BCAS3: variants seen among roughly 807,000 people sequenced by gnomAD.
BCAS3 encodes BCAS3 microtubule associated cell migration factor.
In BCAS3, 53 loss-of-function variants were observed where a neutral mutation model predicts 116.1. The ratio of observed to expected loss-of-function variants is 0.46; its 90% CI spans 0.37 to 0.57. The LOEUF is 0.57. BCAS3 is among the 20% of genes least tolerant of loss of function. The pLI, the probability that BCAS3 is intolerant of heterozygous loss-of-function variation, is 0.00. For missense variants in BCAS3, 917 were observed against 1,165.4 expected (o/e 0.79, Z 3.10); for synonymous variants, 391 against 408.2 (o/e 0.96, Z 0.51).
At chr17:60,690,328 G>A (rs889557618) in intron 4 of BCAS3, among the ~76,000 whole-genome samples, 3 of 152,160 alleles carry the variant, frequency 2.0e-5, no homozygotes, top group Admixed American at 2.0e-4. Flanking sequence ...CCAGCACTTT[G>A]GGAGGTTGAG....
In BCAS3 at chr17:61,333,381, G is replaced by T. The variant is rs2056445946; in HGVS notation, c.2426-34946G>T. The stretch of plus-strand genomic sequence containing the variant: ...TTCTTACCAGACAATAGCTGTCTAT[G>T]ACCTCAAGCCAGGCCTAGGACAAAG... On this transcript the variant is annotated intron_variant, in intron 22 of 23. Coordinates refer to ENST00000407086, the MANE Select transcript of BCAS3 (RefSeq NM_017679.5). The surrounding 1 kb of genome is among the most constrained non-coding windows in gnomAD (Gnocchi z 4.8). Among the ~76,000 whole-genome samples the T allele has an allele frequency of 6.6e-6, 1 of 152,184 alleles. No homozygotes were observed. The highest frequency in any genetic ancestry group is 2.4e-5 in the African/African-American group (1 of 41,442).
At position 61,034,612 on chromosome 17, in the gene BCAS3, A is replaced by G. The variant is rs546114457; in HGVS notation, c.1638-54A>G. ...TAAAGGAAAAACTGTCATTACCTAA[A>G]GGAGTATCATTTCATCATGATAATT... On this transcript the variant is annotated intron_variant, in intron 16 of 23. Transcript: ENST00000407086. The surrounding 1 kb of genome is among the most constrained non-coding windows in gnomAD (Gnocchi z 5.0). 1 of 1,499,314 alleles carries G rather than the reference A, an allele frequency of 6.7e-7. No individual in the cohort carries two copies. The highest frequency in any genetic ancestry group is 1.2e-5 in the South Asian group (1 of 82,818). 92.9% of individuals were successfully genotyped at this position (1,499,314 alleles called of 1,614,324 possible). A position where few individuals can be genotyped will look rare whatever the true frequency, so the allele number is the denominator to read the frequency against.
rs1402497895 is a variant in BCAS3, at chr17:61,256,216, A to T, written c.2426-112111A>T. Among the ~76,000 whole-genome samples the T allele has an allele frequency of 2.0e-5, 3 of 152,204 alleles. No homozygotes were observed. Among genetic ancestry groups the T allele is most frequent in the Non-Finnish European group, 2.9e-5 (2 of 68,038 alleles). On this transcript the variant is annotated intron_variant, in intron 22 of 23. Transcript: ENST00000407086. This position sits in a 1 kb window ranked among gnomAD's most constrained non-coding sequence, Gnocchi z 5.6. ...TAGATCAGACTACCTGGGGTTGTCAAGCCTTCCATCTTCAAGCCAAGAGGT... is the reference window on the plus strand; with the variant it reads ...TAGATCAGACTACCTGGGGTTGTCATGCCTTCCATCTTCAAGCCAAGAGGT...
chr17:60,965,990 T>C (rs2061641297), intron 14 of BCAS3, among the ~76,000 whole-genome samples: 1 of 152,222 alleles, frequency 6.6e-6, no homozygotes, highest in Non-Finnish European at 1.5e-5. Flanking sequence ...TATTAATATT[T>C]TCTTTATAGA....
rs558098781 is a variant in BCAS3 at position 61,161,107 on chromosome 17, A to G, written c.2425+76543A>G. On this transcript the variant is annotated intron_variant, in intron 22 of 23. Coordinates refer to ENST00000407086, the MANE Select transcript of BCAS3 (RefSeq NM_017679.5). This position sits in a 1 kb window ranked among gnomAD's most constrained non-coding sequence, Gnocchi z 4.8. ...GATAGCATGTCTGAAAAAAGCTAAC[A>G]TAAAAGTCTCAATTAGGTTGCTGCC... is the stretch of plus-strand genomic sequence containing the variant. 6.6e-5 allele frequency among the ~76,000 whole-genome samples: 10 copies of G among 152,332 alleles called. No individual in the cohort carries two copies. The highest frequency in any genetic ancestry group is 5.2e-4 in the Admixed American group (8 of 15,310).
At chr17:60,858,956 A>G (rs1353613758) in intron 7 of BCAS3, among the ~76,000 whole-genome samples, 1 of 152,164 alleles carries the variant, frequency 6.6e-6, no homozygotes, top group Non-Finnish European at 1.5e-5. Flanking sequence ...CTTCTACAAC[A>G]GTTATCATAG....
intron 19 of BCAS3, among the ~76,000 whole-genome samples, chr17:61,072,156 T>C (rs968883732): frequency 2.6e-5 from 4 of 152,164 alleles, no homozygotes; most frequent in African/African-American, 9.7e-5. Flanking sequence ...TAGATGTATA[T>C]TTGGAATCTT....
intron 6 of BCAS3, among the ~76,000 whole-genome samples, chr17:60,792,007 C>T (rs2144543955): frequency 6.6e-6 from 1 of 152,252 alleles, no homozygotes; most frequent in Non-Finnish European, 1.5e-5. Context: ...CCTGTTATCC[C>T]AGCTACTCAG....
intron 7 of BCAS3, among the ~76,000 whole-genome samples, chr17:60,809,848 T>C (rs1391004951): frequency 6.6e-6 from 1 of 152,180 alleles, no homozygotes; most frequent in Non-Finnish European, 1.5e-5. Context: ...TGTTGAGTAG[T>C]TGGCTGCCCA....
chr17:61,168,560 G>A (rs721968), intron 22 of BCAS3, among the ~76,000 whole-genome samples: 1 of 152,058 alleles, frequency 6.6e-6, no homozygotes. Context: ...TTTTTCCCTA[G>A]TAATTTAATT....
At chr17:61,272,142 G>A (rs1427858423) in intron 22 of BCAS3, among the ~76,000 whole-genome samples, 1 of 152,152 alleles carries the variant, frequency 6.6e-6, no homozygotes, top group Non-Finnish European at 1.5e-5. Context: ...ATCAAATTAC[G>A]TTTTAAAGAA....
At chr17:60,894,389 A>G (rs1167396605) in intron 10 of BCAS3, among the ~76,000 whole-genome samples, 3 of 152,120 alleles carry the variant, frequency 2.0e-5, no homozygotes, top group African/African-American at 7.2e-5. Flanking sequence ...TAGAAATGCT[A>G]TTGAATTTTG....
At chr17:60,937,201 A>T (rs1211954195) in intron 13 of BCAS3, among the ~76,000 whole-genome samples, 3 of 146,594 alleles carry the variant, frequency 2.0e-5, no homozygotes, top group South Asian at 2.2e-4. Flanking sequence ...AGGGTCACTG[A>T]CCTCTTTTTT....
At chr17:60,742,426 C>CTTTTTTTTTTTTTTTTTTT (rs1173664552) in intron 5 of BCAS3, among the ~76,000 whole-genome samples, 1 of 103,450 alleles carries the variant, frequency 9.7e-6, no homozygotes, top group Non-Finnish European at 1.9e-5. Context: ...TCCTTGACAT[C>CTTTTTTTTTTTTTTTTTTT]TTTTTTTTTT....
chr17:61,246,614 A>G (rs978995737), intron 22 of BCAS3, among the ~76,000 whole-genome samples: 2 of 152,086 alleles, frequency 1.3e-5, no homozygotes, highest in African/African-American at 2.4e-5. Context: ...CTGACACGGC[A>G]TCACTGGAGC....
intron 5 of BCAS3, among the ~76,000 whole-genome samples, chr17:60,732,990 AG>A (rs1179374387): frequency 1.3e-5 from 2 of 152,226 alleles, no homozygotes; most frequent in Non-Finnish European, 2.9e-5. Context: ...AATAACATTA[AG>A]GTAGAATAGT....
At chr17:60,735,724 G>T (rs896373210) in intron 5 of BCAS3, among the ~76,000 whole-genome samples, 1 of 152,152 alleles carries the variant, frequency 6.6e-6, no homozygotes, top group Admixed American at 6.6e-5. Flanking sequence ...AAAGTGCTGG[G>T]ATTACAGGTT....
intron 22 of BCAS3, among the ~76,000 whole-genome samples, chr17:61,319,057 G>C (rs1365775930): frequency 3.9e-5 from 6 of 152,220 alleles, no homozygotes; most frequent in South Asian, 2.1e-4. Flanking sequence ...TCTGGGTAAG[G>C]GCTAGAGGAT....
intron 6 of BCAS3, among the ~76,000 whole-genome samples, chr17:60,765,138 C>G (rs563610319): frequency 2.0e-5 from 3 of 152,280 alleles, no homozygotes; most frequent in African/African-American, 7.2e-5. Context: ...TCTTGACTCT[C>G]TATCCACTTT....
Sources: allele counts gnomAD v4.1 joint callset (sites outside exome capture counted in the v4.1 genomes callset), GRCh38; gene constraint gnomAD v4.1.1; non-coding constraint Gnocchi (gnomAD v3.1); transcripts MANE v1.5; gene names NCBI Gene and HGNC (gene_info 2026-07-23, HGNC 2026-07-21).